Variants in GABRB1 observed in about 807,000 individuals in gnomAD.
The protein encoded by GABRB1 is gamma-aminobutyric acid type A receptor subunit beta1, also known as gamma-aminobutyric acid receptor subunit beta-1.
In GABRB1, 17 loss-of-function variants were observed where a neutral mutation model predicts 51.6. The observed-to-expected ratio is 0.33, with a 90% confidence interval of 0.23 to 0.49. The LOEUF (loss-of-function observed/expected upper bound fraction) is 0.49, where lower values mean the gene tolerates loss of function less well. Ranked by LOEUF, GABRB1 falls within the 20% of genes least tolerant of loss-of-function variation. The pLI is 0.99. For missense variants in GABRB1, 410 were observed against 600.6 expected, an observed-to-expected ratio of 0.68 and a Z score of 3.32; for synonymous variants, 247 against 218.9, an observed-to-expected ratio of 1.13 and a Z score of -1.14.
chr4:47,120,384 G>T (rs1412518566), intron 3 of GABRB1, among the ~76,000 whole-genome samples: 2 of 152,136 alleles, frequency 1.3e-5, no homozygotes, highest in Non-Finnish European at 2.9e-5. Context: ...CTCCCCTGTG[G>T]CCCAGGGCTG....
intron 4 of GABRB1, among the ~76,000 whole-genome samples, chr4:47,299,056 A>C (rs2109934748): frequency 6.6e-6 from 1 of 151,374 alleles, no homozygotes; most frequent in African/African-American, 2.4e-5. Context: ...CTGAAACTGG[A>C]TCCCTTCCTT....
At chr4:47,147,563 C>T (rs1311469146) in intron 3 of GABRB1, among the ~76,000 whole-genome samples, 1 of 152,068 alleles carries the variant, frequency 6.6e-6, no homozygotes, top group African/African-American at 2.4e-5. Context: ...AATAAAAGAG[C>T]ACCCAGCTAA....
chr4:47,346,193 A>G (rs554827806), intron 5 of GABRB1, among the ~76,000 whole-genome samples: 2 of 152,222 alleles, frequency 1.3e-5, no homozygotes, highest in Admixed American at 1.3e-4. Context: ...AGAGTAAGGC[A>G]TTGGAAGGAC....
At chr4:47,417,597 G>A (rs1728971989) in intron 8 of GABRB1, among the ~76,000 whole-genome samples, 1 of 152,210 alleles carries the variant, frequency 6.6e-6, no homozygotes, top group Non-Finnish European at 1.5e-5. Flanking sequence ...GCAACTGTGT[G>A]TTCTCTACAA....
chr4:47,423,306 AT>A (rs1157288285), intron 8 of GABRB1, among the ~76,000 whole-genome samples: 1 of 152,202 alleles, frequency 6.6e-6, no homozygotes, highest in East Asian at 1.9e-4. Context: ...AGTCTAGTCC[AT>A]TCAGTGTAGT....
intron 3 of GABRB1, among the ~76,000 whole-genome samples, chr4:47,140,699 T>C (rs1716896618): frequency 6.6e-6 from 1 of 151,660 alleles, no homozygotes; most frequent in Non-Finnish European, 1.5e-5. Context: ...TCCTGTACTT[T>C]GGAACATGTA....
chr4:47,416,453 CTTT>C (rs770636868), intron 8 of GABRB1, among the ~76,000 whole-genome samples: 6 of 142,032 alleles, frequency 4.2e-5, no homozygotes, highest in Non-Finnish European at 3.1e-5. Context: ...ATTTGTTTTA[CTTT>C]TTTTTTTTTT....
intron 5 of GABRB1, among the ~76,000 whole-genome samples, chr4:47,388,138 T>A (rs1225603666): frequency 1.3e-5 from 2 of 152,186 alleles, no homozygotes; most frequent in African/African-American, 4.8e-5. Context: ...AATATTACAA[T>A]ATTAAAATTA....
chr4:47,132,491 T>C (rs996750818), intron 3 of GABRB1, among the ~76,000 whole-genome samples: 19 of 152,188 alleles, frequency 1.2e-4, no homozygotes, highest in African/African-American at 3.9e-4. Flanking sequence ...TTTTAGAGGA[T>C]AGGATTTGTT....
intron 4 of GABRB1, among the ~76,000 whole-genome samples, chr4:47,180,139 T>C (rs1315373039): frequency 6.6e-6 from 1 of 151,916 alleles, no homozygotes; most frequent in Non-Finnish European, 1.5e-5. Context: ...TTTTTTTCTA[T>C]CTAAAACTTC....
At chr4:47,086,915 C>T (rs1285580451) in intron 3 of GABRB1, among the ~76,000 whole-genome samples, 2 of 152,186 alleles carry the variant, frequency 1.3e-5, no homozygotes, top group Non-Finnish European at 2.9e-5. Flanking sequence ...AATTCTGCTG[C>T]AAAGTGTCAC....
At chr4:47,121,331 G>A (rs907020772) in intron 3 of GABRB1, among the ~76,000 whole-genome samples, 1 of 152,254 alleles carries the variant, frequency 6.6e-6, no homozygotes, top group East Asian at 1.9e-4. Context: ...TGAGGCCACT[G>A]CCAGGGAATA....
chr4:47,311,237 T>TACTACAACA (rs1553874092), intron 4 of GABRB1, among the ~76,000 whole-genome samples: 6 of 142,450 alleles, frequency 4.2e-5, no homozygotes, highest in East Asian at 2.1e-4. Flanking sequence ...CTACTAAAAA[T>TACTACAACA]ACAACAACAA....
intron 4 of GABRB1, among the ~76,000 whole-genome samples, chr4:47,291,523 C>T (rs1428086297): frequency 6.6e-6 from 1 of 152,172 alleles, no homozygotes; most frequent in Non-Finnish European, 1.5e-5. Flanking sequence ...AGTAGATTCA[C>T]CAACAGCTTG....
chr4:47,167,359 G>A (rs1718232590), intron 4 of GABRB1, among the ~76,000 whole-genome samples: 1 of 152,052 alleles, frequency 6.6e-6, no homozygotes, highest in African/African-American at 2.4e-5. Context: ...GGCAGGCACG[G>A]AGGAATTTAA....
chr4:47,411,683 CATA>C (rs1728766195), intron 8 of GABRB1, among the ~76,000 whole-genome samples: 1 of 152,128 alleles, frequency 6.6e-6, no homozygotes, highest in Non-Finnish European at 1.5e-5. Flanking sequence ...GATATTATAT[CATA>C]GTTATGTAAG....
At chr4:47,022,881 GCTGCAGCACTGTTTA>G (rs1036482301) in intron 1 of GABRB1, among the ~76,000 whole-genome samples, 1 of 152,022 alleles carries the variant, frequency 6.6e-6, no homozygotes, top group African/African-American at 2.4e-5. Flanking sequence ...TGCTATGTTT[GCTGCAGCACTGTTTA>G]CAATAGCTAA....
upstream of GABRB1, among the ~76,000 whole-genome samples, chr4:47,030,282 TTG>T (rs1264249611): frequency 6.6e-6 from 1 of 152,206 alleles, no homozygotes; most frequent in Non-Finnish European, 1.5e-5. Context: ...TTTGTTATTA[TTG>T]TAATGGAATA....
chr4:47,379,864 GT>G lies in GABRB1; in HGVS notation c.545-23453del. ...GACTAATACTGCCCTAACAAGGCTT[GT>G]GACCATGTCATTTAAAATTCCTAAG... On this transcript the variant is annotated intron_variant, in intron 5 of 8. Coordinates refer to ENST00000295454, the MANE Select transcript of GABRB1 (RefSeq NM_000812.4). 1.3e-5 allele frequency among the ~76,000 whole-genome samples: 2 copies of G among 152,184 alleles called. 1 individual carries two copies. The highest frequency in any genetic ancestry group is 1.3e-4 in the Admixed American group (2 of 15,282).
Sources: allele counts gnomAD v4.1 joint callset (sites outside exome capture counted in the v4.1 genomes callset), GRCh38; gene constraint gnomAD v4.1.1; transcripts MANE v1.5; gene names NCBI Gene and HGNC (gene_info 2026-07-23, HGNC 2026-07-21).